The following LNX2 variants were observed in gnomAD, a reference collection of about 807,000 sequenced individuals.
LNX2 encodes the protein ligand of numb-protein X 2, also known as ligand of Numb protein X 2.
LNX2 carries 35 observed loss-of-function variants against 66.2 expected under a neutral mutation model. The observed-to-expected ratio is 0.53, with a 90% CI of 0.40 to 0.70. The LOEUF (loss-of-function observed/expected upper bound fraction) is 0.70. Ranked by LOEUF, LNX2 falls within the 30% of genes least tolerant of loss-of-function variation. The pLI is 0.00. For missense variants in LNX2, 791 were observed against 850.8 expected, an observed-to-expected ratio of 0.93 and a Z score of 0.87; for synonymous variants, 337 against 315.6, an observed-to-expected ratio of 1.07 and a Z score of -0.72.
intron 1 of LNX2, among the ~76,000 whole-genome samples, chr13:27,594,007 C>T (rs1955572074): frequency 6.6e-6 from 1 of 151,948 alleles, no homozygotes; most frequent in African/African-American, 2.4e-5. Context: ...ACTGTTGGAC[C>T]AAAGTGAAAG....
chr13:27,599,126 C>T (rs1955628789), intron 1 of LNX2, among the ~76,000 whole-genome samples: 1 of 152,130 alleles, frequency 6.6e-6, no homozygotes, highest in African/African-American at 2.4e-5. Flanking sequence ...TGAATGAACA[C>T]AAAACTGAAT....
At chr13:27,586,811 A>G (rs1179236738) in intron 1 of LNX2, among the ~76,000 whole-genome samples, 1 of 152,222 alleles carries the variant, frequency 6.6e-6, no homozygotes, top group Non-Finnish European at 1.5e-5. Context: ...TGGAATAGTA[A>G]AGAGAAGGAA....
At chr13:27,616,318 T>C (rs1593268977) in intron 1 of LNX2, among the ~76,000 whole-genome samples, 3 of 152,274 alleles carry the variant, frequency 2.0e-5, no homozygotes, top group Admixed American at 2.0e-4. Context: ...CAAAGGATTG[T>C]GGAGACCCAA....
chr13:27,608,567 T>C (rs949079976), intron 1 of LNX2, among the ~76,000 whole-genome samples: 4 of 152,216 alleles, frequency 2.6e-5, no homozygotes, highest in South Asian at 2.1e-4. Flanking sequence ...AAAATCAACA[T>C]GTATCCCTTA....
At chr13:27,561,104 C>T (rs1250763390) in intron 5 of LNX2, among the ~76,000 whole-genome samples, 1 of 152,096 alleles carries the variant, frequency 6.6e-6, no homozygotes, top group Non-Finnish European at 1.5e-5. Flanking sequence ...GCACAAAATA[C>T]GTTGAAACTA....
intron 2 of LNX2, among the ~76,000 whole-genome samples, chr13:27,570,878 TCTAG>T (rs1210990499): frequency 1.3e-5 from 2 of 152,150 alleles, no homozygotes; most frequent in Non-Finnish European, 2.9e-5. Context: ...TGGGAATCAG[TCTAG>T]CTAACAACTC....
intron 1 of LNX2, among the ~76,000 whole-genome samples, chr13:27,615,564 C>T (rs1426682013): frequency 2.0e-5 from 3 of 152,138 alleles, no homozygotes; most frequent in African/African-American, 4.8e-5. Context: ...CAGTCCTAAC[C>T]CTCTAATCCA....
At chr13:27,599,612 T>C (rs1955635119) in intron 1 of LNX2, among the ~76,000 whole-genome samples, 1 of 152,192 alleles carries the variant, frequency 6.6e-6, no homozygotes, top group South Asian at 2.1e-4. Context: ...TACAAAGCTA[T>C]AATTAGGAAG....
chr13:27,592,805 G>A (rs532204465), intron 1 of LNX2, among the ~76,000 whole-genome samples: 7 of 152,284 alleles, frequency 4.6e-5, no homozygotes, highest in East Asian at 1.9e-4. Flanking sequence ...AAAGTGTTCC[G>A]AGGAAGAAGA....
At chr13:27,578,995 T>C (rs1955370680) in intron 2 of LNX2, among the ~76,000 whole-genome samples, 1 of 152,196 alleles carries the variant, frequency 6.6e-6, no homozygotes, top group Admixed American at 6.5e-5. Flanking sequence ...TGGACTAACA[T>C]GAGATGACTG....
chr13:27,604,072 G>A (rs1186425572), intron 1 of LNX2, among the ~76,000 whole-genome samples: 1 of 152,010 alleles, frequency 6.6e-6, no homozygotes, highest in Non-Finnish European at 1.5e-5. Context: ...GCCTAACACG[G>A]TGAAACCCTG....
intron 1 of LNX2, among the ~76,000 whole-genome samples, chr13:27,596,402 T>G (rs1272398438): frequency 2.0e-5 from 3 of 152,146 alleles, no homozygotes; most frequent in African/African-American, 4.8e-5. Context: ...TGTTTACAGA[T>G]TCATCATTTA....
chr13:27,619,305 C>T lies in LNX2; in HGVS notation c.-101+1070G>A, dbSNP rs560206026. ...TACCAGATTCCCGCTTCCTTCTTTA[C>T]CTGCCAAAGTCCATTTTCTAAAGAG... is the stretch of plus-strand genomic sequence containing the variant. On this transcript the variant is annotated intron_variant, in intron 1 of 9. Transcript: ENST00000316334. Among the ~76,000 whole-genome samples, 27 of 151,728 alleles carry T rather than the reference C, an allele frequency of 1.8e-4. 2 individuals are homozygous for T. The South Asian group carries it at 5.2e-3, about 29-fold the overall frequency.
At chr13:27,601,972 T>A (rs1394414381) in intron 1 of LNX2, among the ~76,000 whole-genome samples, 1 of 152,226 alleles carries the variant, frequency 6.6e-6, no homozygotes, top group Non-Finnish European at 1.5e-5. Flanking sequence ...CTTTGTCACA[T>A]ATCTCCTCAT....
intron 2 of LNX2, among the ~76,000 whole-genome samples, chr13:27,576,839 A>G (rs1955345139): frequency 6.6e-6 from 1 of 152,222 alleles, no homozygotes; most frequent in Admixed American, 6.5e-5. Context: ...ATTATAAGAG[A>G]GAAAACTAGA....
intron 1 of LNX2, among the ~76,000 whole-genome samples, chr13:27,583,802 A>C (rs1316592189): frequency 6.6e-6 from 1 of 152,198 alleles, no homozygotes; most frequent in African/African-American, 2.4e-5. Context: ...CCCATTATTA[A>C]AATTCAATTT....
intron 7 of LNX2, among the ~76,000 whole-genome samples, chr13:27,555,173 T>A (rs1566115225): frequency 2.0e-5 from 3 of 152,202 alleles, no homozygotes. Context: ...GTTCTCAAAC[T>A]CCTGGGCTCA....
At chr13:27,578,725 A>C (rs200894316) in intron 2 of LNX2, among the ~76,000 whole-genome samples, 214 of 152,318 alleles carry the variant, frequency 1.4e-3, no homozygotes, top group African/African-American at 5.0e-3. Flanking sequence ...GCACCTAGTC[A>C]TTCCCATCAA....
chr13:27,546,787 AT>A lies in LNX2; in HGVS notation c.*1547del, dbSNP rs1261929569. 1.3e-5 allele frequency: 2 copies of A among 152,092 alleles called. No individual in the cohort carries two copies. The highest frequency in any genetic ancestry group is 4.8e-5 in the African/African-American group (2 of 41,402). 9.4% of individuals were successfully genotyped at this position (152,092 alleles called of 1,614,324 possible). On this transcript the variant is annotated 3_prime_UTR_variant, in exon 10 of 10. Coordinates refer to ENST00000316334, the MANE Select transcript of LNX2 (RefSeq NM_153371.4). ...ATTCTGAACTAGGTTTCTAAATGAA[AT>A]TTTTTTCAAGTATGTATAATATTAA...
Sources: gnomAD v4.1 joint callset for allele counts (sites outside exome capture counted in the v4.1 genomes callset) on GRCh38, gnomAD v4.1.1 for gene constraint, MANE v1.5 for transcripts, NCBI Gene and HGNC (gene_info 2026-07-23, HGNC 2026-07-21) for gene names.